The following ECHDC1 variants were observed in gnomAD, a reference collection of about 807,000 sequenced individuals.
ECHDC1 encodes ethylmalonyl-CoA decarboxylase 1, also known as ethylmalonyl-CoA decarboxylase.
A neutral mutation model predicts 29.7 loss-of-function variants in ECHDC1; 29 were observed. The ratio of observed to expected loss-of-function variants is 0.98; its 90% CI spans 0.73 to 1.33. The LOEUF is 1.33. Among genes scored for constraint, ECHDC1 ranks in the 40% most tolerant of loss-of-function variants. The pLI, the probability that ECHDC1 is intolerant of heterozygous loss-of-function variation, is 0.00. For synonymous variants in ECHDC1, 126 were observed against 123.1 expected (o/e 1.02, Z -0.15); for missense variants, 328 against 350.0 (o/e 0.94, Z 0.50).
At chr6:127,335,011 G>A (rs992417006) in intron 1 of ECHDC1, among the ~76,000 whole-genome samples, 59 of 152,066 alleles carry the variant, frequency 3.9e-4, no homozygotes, top group African/African-American at 1.4e-3. Flanking sequence ...TAATGAGGGA[G>A]AATGTAGGCA....
chr6:127,306,758 G>T (rs1348481805), intron 5 of ECHDC1, among the ~76,000 whole-genome samples: 3 of 152,012 alleles, frequency 2.0e-5, no homozygotes, highest in Non-Finnish European at 4.4e-5. Context: ...ATACAGCACT[G>T]GACAGATCTT....
At chr6:127,330,626 A>G (rs574345854) in intron 2 of ECHDC1, among the ~76,000 whole-genome samples, 183 bp downstream of exon 2, 25 of 152,334 alleles carry the variant, frequency 1.6e-4, no homozygotes, top group African/African-American at 5.8e-4. Context: ...ATCCATAATC[A>G]TTAAAAGTTA....
intron 1 of ECHDC1, among the ~76,000 whole-genome samples, chr6:127,338,078 A>T (rs552309750): frequency 1.3e-5 from 2 of 152,344 alleles, no homozygotes; most frequent in East Asian, 3.9e-4. Flanking sequence ...GTTTCTTGGC[A>T]TATGGACCAT....
chr6:127,311,970 A>G (rs1410737472), intron 5 of ECHDC1, among the ~76,000 whole-genome samples: 11 of 151,992 alleles, frequency 7.2e-5, no homozygotes, highest in Admixed American at 7.2e-4. Context: ...GATTTCGTCA[A>G]GTTTTTCATA....
intron 3 of ECHDC1, chr6:127,317,865 A>G (rs143357467): frequency 6.6e-6 from 1 of 152,322 alleles, no homozygotes; most frequent in Admixed American, 6.5e-5. Flanking sequence ...CTTGATTAGT[A>G]CAGTAAGATG....
intron 5 of ECHDC1, among the ~76,000 whole-genome samples, chr6:127,314,297 G>A (rs561635086): frequency 1.4e-3 from 219 of 152,258 alleles, no homozygotes; most frequent in African/African-American, 5.1e-3. Context: ...ATTATTGGGA[G>A]TGAAGAGCTA....
intron 5 of ECHDC1, among the ~76,000 whole-genome samples, chr6:127,309,603 C>T (rs899015990): frequency 6.6e-6 from 1 of 151,552 alleles, no homozygotes; most frequent in Admixed American, 6.6e-5. Flanking sequence ...AAAACACTGG[C>T]GAAAATCTTA....
At position 127,306,917 on chromosome 6, in the gene ECHDC1, A is replaced by G. The variant is rs142857945; in HGVS notation, c.497+7899T>C. On this transcript the variant is annotated intron_variant, in intron 5 of 5. Coordinates refer to ENST00000454859, the MANE Select transcript of ECHDC1 (RefSeq NM_001002030.2). The stretch of plus-strand genomic sequence containing the variant: ...CATGGATCATTCTTAAAAGTAGACC[A>G]TATGTTTGGTCAAAAGACAAATCTT... Among the ~76,000 whole-genome samples, 92 of 152,358 alleles carry G rather than the reference A, an allele frequency of 6.0e-4. 4 individuals are homozygous for G. The East Asian group carries it at 7.1e-3, about 12-fold the overall frequency.
intron 5 of ECHDC1, among the ~76,000 whole-genome samples, chr6:127,297,547 TAAG>T (rs1780706671): frequency 6.6e-6 from 1 of 152,102 alleles, no homozygotes; most frequent in African/African-American, 2.4e-5. Context: ...ACTACACTAA[TAAG>T]AAAGCAAGGC....
intron 5 of ECHDC1, among the ~76,000 whole-genome samples, chr6:127,311,957 T>A (rs1223683513): frequency 2.6e-5 from 4 of 151,978 alleles, no homozygotes; most frequent in African/African-American, 4.8e-5. Flanking sequence ...GAGTTATATG[T>A]ATGATTTCGT....
intron 1 of ECHDC1, among the ~76,000 whole-genome samples, chr6:127,336,843 C>T (rs1195797775): frequency 1.3e-5 from 2 of 152,142 alleles, no homozygotes; most frequent in African/African-American, 4.8e-5. Context: ...TAAGTTATCA[C>T]TCAAATGTAA....
intron 5 of ECHDC1, among the ~76,000 whole-genome samples, chr6:127,306,936 A>T (rs1781488105): frequency 6.6e-6 from 1 of 152,240 alleles, no homozygotes; most frequent in Non-Finnish European, 1.5e-5. Flanking sequence ...GTCAAAAGAC[A>T]AATCTTAAAA....
chr6:127,343,234 T>G (rs1368159131), intron 1 of ECHDC1, 102 bp downstream of exon 1: 2 of 152,206 alleles, frequency 1.3e-5, no homozygotes, highest in African/African-American at 4.8e-5. Flanking sequence ...GGGACACGTT[T>G]GGAGAAGCGA....
At chr6:127,336,993 C>T (rs1784479624) in intron 1 of ECHDC1, among the ~76,000 whole-genome samples, 1 of 152,158 alleles carries the variant, frequency 6.6e-6, no homozygotes, top group Admixed American at 6.5e-5. Context: ...ATTTTTTAAT[C>T]TTGCCCAAAT....
chr6:127,291,732 T>C (rs1454340708), intron 5 of ECHDC1, among the ~76,000 whole-genome samples: 5 of 152,128 alleles, frequency 3.3e-5, no homozygotes, highest in African/African-American at 1.2e-4. Flanking sequence ...TTTGGTTCTA[T>C]TAGCACTAAG....
intron 5 of ECHDC1, among the ~76,000 whole-genome samples, chr6:127,302,960 CTT>C (rs1003895164): frequency 1.3e-5 from 2 of 151,840 alleles, no homozygotes; most frequent in South Asian, 4.1e-4. Flanking sequence ...TATAAAATAA[CTT>C]TTTTTTATTG....
intron 5 of ECHDC1, among the ~76,000 whole-genome samples, chr6:127,314,150 T>G (rs1782171899): frequency 6.6e-6 from 1 of 152,202 alleles, no homozygotes; most frequent in Admixed American, 6.5e-5. Context: ...CACAGAGCAT[T>G]GTATTGGTCT....
chr6:127,303,542 T>A (rs555235239), intron 5 of ECHDC1, among the ~76,000 whole-genome samples: 139 of 151,456 alleles, frequency 9.2e-4, no homozygotes, highest in African/African-American at 3.3e-3. Flanking sequence ...AGGCTGAGAG[T>A]GGTAAGGAAG....
chr6:127,342,326 A>T (rs1409096943), intron 1 of ECHDC1: 2 of 1,538,630 alleles, frequency 1.3e-6, no homozygotes, highest in Admixed American at 4.1e-5. Context: ...CAACTCTCCA[A>T]CTACCCTGTT....
Sources: gnomAD v4.1 joint callset for allele counts (sites outside exome capture counted in the v4.1 genomes callset) on GRCh38, gnomAD v4.1.1 for gene constraint, MANE v1.5 for transcripts, NCBI Gene and HGNC (gene_info 2026-07-23, HGNC 2026-07-21) for gene names.